Variants in CALCR observed in about 807,000 individuals in gnomAD.
CALCR encodes the protein calcitonin receptor.
In CALCR, 47 loss-of-function variants were observed where a neutral mutation model predicts 59.5. The observed-to-expected ratio is 0.79, with a 90% confidence interval of 0.63 to 1.01. The LOEUF (loss-of-function observed/expected upper bound fraction) is 1.01, where lower values mean the gene tolerates loss of function less well. Ranked by LOEUF, CALCR falls within the 50% of genes least tolerant of loss-of-function variation. The pLI is 0.00. For synonymous variants in CALCR, 213 were observed against 211.3 expected (o/e 1.01, Z -0.07); for missense variants, 566 against 597.1 (o/e 0.95, Z 0.54).
chr7:93,486,426 C>T (rs1411772637), intron 3 of CALCR, among the ~76,000 whole-genome samples: 2 of 151,442 alleles, frequency 1.3e-5, no homozygotes, highest in African/African-American at 4.8e-5. Flanking sequence ...TATATAAAGA[C>T]TTGAAGTTTC....
chr7:93,567,470 G>A (rs1048578405), intron 2 of CALCR, among the ~76,000 whole-genome samples: 1 of 151,974 alleles, frequency 6.6e-6, no homozygotes, highest in Non-Finnish European at 1.5e-5. Flanking sequence ...CATAAAACAA[G>A]TATAAAATGT....
At chr7:93,561,814 G>GA (rs1789755774) in intron 2 of CALCR, among the ~76,000 whole-genome samples, 1 of 152,138 alleles carries the variant, frequency 6.6e-6, no homozygotes, top group Non-Finnish European at 1.5e-5. Flanking sequence ...GTGAGACCCT[G>GA]AAAAATCACA....
At chr7:93,477,826 T>G (rs1396996410) in intron 4 of CALCR, among the ~76,000 whole-genome samples, 158 bp from the exon 5 acceptor site, 1 of 151,654 alleles carries the variant, frequency 6.6e-6, no homozygotes, top group Non-Finnish European at 1.5e-5. Context: ...AAATAAAGTT[T>G]CAAATAGGCT....
chr7:93,453,655 C>G (rs1800152073), intron 8 of CALCR, among the ~76,000 whole-genome samples: 1 of 151,932 alleles, frequency 6.6e-6, no homozygotes, highest in Admixed American at 6.6e-5. Flanking sequence ...GAGATGAAGA[C>G]TTTCTGTGTA....
chr7:93,446,549 CCAGGAACTAAGCTAGCT>C (rs1584542416), intron 8 of CALCR, among the ~76,000 whole-genome samples: 1 of 151,944 alleles, frequency 6.6e-6, no homozygotes, highest in Non-Finnish European at 1.5e-5. Flanking sequence ...CTGCTATGAG[CCAGGAACTAAGCTAGCT>C]CTGGGAGTAT....
chr7:93,493,716 T>C (rs1339915614), intron 2 of CALCR, among the ~76,000 whole-genome samples: 1 of 151,380 alleles, frequency 6.6e-6, no homozygotes, highest in Non-Finnish European at 1.5e-5. Context: ...ACCAGTGTGA[T>C]CATGAAGAGA....
intron 2 of CALCR, among the ~76,000 whole-genome samples, chr7:93,514,354 A>G (rs1273736262): frequency 2.6e-5 from 4 of 152,064 alleles, no homozygotes; most frequent in Non-Finnish European, 4.4e-5. Context: ...AAACATTTGT[A>G]GCTATAATAC....
At chr7:93,547,636 G>T (rs953844411) in intron 2 of CALCR, among the ~76,000 whole-genome samples, 1 of 152,156 alleles carries the variant, frequency 6.6e-6, no homozygotes, top group African/African-American at 2.4e-5. Context: ...ACCATGTGGG[G>T]TTTGAATTAG....
chr7:93,470,648 A>G (rs1240725639), intron 6 of CALCR, among the ~76,000 whole-genome samples: 1 of 150,594 alleles, frequency 6.6e-6, no homozygotes, highest in East Asian at 2.0e-4. Flanking sequence ...CTCAAGGTTG[A>G]CTTTTTTTTT....
intron 2 of CALCR, among the ~76,000 whole-genome samples, chr7:93,571,780 C>T (rs923960574): frequency 6.6e-6 from 1 of 152,116 alleles, no homozygotes; most frequent in Non-Finnish European, 1.5e-5. Context: ...TTTCCTCATA[C>T]ATAAAATAAT....
intron 11 of CALCR, among the ~76,000 whole-genome samples, chr7:93,436,382 A>G (rs1799778402): frequency 6.6e-6 from 1 of 152,188 alleles, no homozygotes; most frequent in Non-Finnish European, 1.5e-5. Flanking sequence ...TATATAAAAC[A>G]GTTCCAGTTG....
intron 11 of CALCR, 151 bp downstream of exon 11, chr7:93,437,909 T>C: frequency 1.4e-6 from 1 of 730,194 alleles, no homozygotes; most frequent in Non-Finnish European, 2.3e-6. Context: ...TTTTGAAGAG[T>C]CTAAAATCAA....
chr7:93,533,366 G>A (rs992951014), intron 2 of CALCR, among the ~76,000 whole-genome samples: 4 of 151,828 alleles, frequency 2.6e-5, no homozygotes, highest in South Asian at 2.1e-4. Flanking sequence ...ATGGCTTGGC[G>A]CCAATCATCC....
At chr7:93,427,561 A>C (rs73219946) in intron 13 of CALCR, among the ~76,000 whole-genome samples, 23,499 of 152,200 alleles carry the variant, frequency 0.15, 2,151 homozygotes, top group East Asian at 0.37. Flanking sequence ...TGACAGCTAA[A>C]CACATGAGAG....
chr7:93,572,444 C>T (rs567161008), intron 2 of CALCR, among the ~76,000 whole-genome samples: 5 of 152,196 alleles, frequency 3.3e-5, no homozygotes, highest in Non-Finnish European at 7.4e-5. Flanking sequence ...TAAGGCTGAG[C>T]ATCCGTATTT....
chr7:93,553,266 A>G (rs1340657058), intron 2 of CALCR, among the ~76,000 whole-genome samples: 2 of 152,120 alleles, frequency 1.3e-5, no homozygotes, highest in African/African-American at 4.8e-5. Context: ...AATCAGAGGT[A>G]GGGAGATTTT....
chr7:93,444,070 C>A (rs1799964336), intron 8 of CALCR, among the ~76,000 whole-genome samples: 1 of 152,134 alleles, frequency 6.6e-6, no homozygotes, highest in Admixed American at 6.6e-5. Context: ...TCTTAGGCAC[C>A]ATCTAAGGAT....
intron 5 of CALCR, among the ~76,000 whole-genome samples, chr7:93,475,705 G>T (rs1367708644): frequency 6.6e-6 from 1 of 151,780 alleles, no homozygotes; most frequent in African/African-American, 2.4e-5. Context: ...TTTAACTAAA[G>T]TCTGGATCGA....
intron 2 of CALCR, among the ~76,000 whole-genome samples, chr7:93,558,743 C>G (rs1459417552): frequency 6.6e-6 from 1 of 151,970 alleles, no homozygotes; most frequent in African/African-American, 2.4e-5. Context: ...AGCAAAGAAT[C>G]TGAAATGCTT....
Sources: allele counts gnomAD v4.1 joint callset (sites outside exome capture counted in the v4.1 genomes callset), GRCh38; gene constraint gnomAD v4.1.1; transcripts MANE v1.5; gene names NCBI Gene and HGNC (gene_info 2026-07-23, HGNC 2026-07-21).